RP2: variants seen among roughly 807,000 people sequenced by gnomAD.
RP2 encodes the protein protein XRP2.
Under a neutral mutation model 20.3 loss-of-function variants are expected in RP2, and 3 were observed. The observed-to-expected ratio is 0.15, with a 90% CI of 0.07 to 0.38. RP2 has a LOEUF of 0.38. Ranked by LOEUF, RP2 falls within the 10% of genes least tolerant of loss-of-function variation. RP2 has a pLI of 1.00. For synonymous variants in RP2, 75 were observed against 94.8 expected (o/e 0.79, Z 1.22); for missense variants, 233 against 268.5 (o/e 0.87, Z 0.92).
intron 2 of RP2, 105 bp from the exon 3 acceptor site, chrX:46,859,883 A>C (rs782333992): frequency 4.6e-4 from 256 of 562,152 alleles, no homozygotes; most frequent in Non-Finnish European, 6.8e-4. Context: ...AACAAAAATC[A>C]GTGTGCTGTT....
intron 1 of RP2, among the ~76,000 whole-genome samples, chrX:46,843,183 A>G (rs951289543): frequency 1.8e-5 from 2 of 109,321 alleles, no homozygotes; most frequent in African/African-American, 6.7e-5. Flanking sequence ...AATTTTTTGT[A>G]TTTTTAGTAG....
chrX:46,839,781 A>G (rs1226362436), intron 1 of RP2, among the ~76,000 whole-genome samples: 2 of 111,580 alleles, frequency 1.8e-5, no homozygotes, highest in East Asian at 5.6e-4. Context: ...GAAATGATTT[A>G]TATTAAAAGT....
At position 46,877,524 on chromosome X, in the gene RP2, G is replaced by A. The variant is rs1925390292; in HGVS notation, c.903G>A (p.Glu301=). The change falls in exon 4 of 5, where the codon GAG becomes GAA. Residue 301 remains glutamate, a synonymous_variant. Coordinates refer to ENST00000218340, the MANE Select transcript of RP2 (RefSeq NM_006915.3). ...LLNKGPVIAL[E]FNGDGAVEVC... is the part of the protein sequence containing the mutation. Reference sequence around the variant, plus strand: ...TTATAGGTCCTGTTATTGCCTTGGAGTTTAATGGGGATGGTGCTGTAGAAG... The same window carrying A: ...TTATAGGTCCTGTTATTGCCTTGGAATTTAATGGGGATGGTGCTGTAGAAG... 1.7e-6 allele frequency: 2 copies of A among 1,206,975 alleles called. No homozygotes were observed. Among genetic ancestry groups the A allele is most frequent in the Middle Eastern group, 4.6e-4 (2 of 4,337 alleles).
At chrX:46,850,681 G>A (rs1924843646) in intron 1 of RP2, among the ~76,000 whole-genome samples, 1 of 111,470 alleles carries the variant, frequency 9.0e-6, no homozygotes, top group South Asian at 3.7e-4. Context: ...TACCTAATGA[G>A]CTCTAGCTTA....
rs782708815 is a variant in RP2 at position 46,862,537 on chromosome X, G to A, written c.883+2435G>A. ...TAGCCGGGCGTGGTGGCGGGCGCCT[G>A]TAGTCCCAGCTACTCAGGAGGCTGA... is the stretch of plus-strand genomic sequence containing the variant. On this transcript the variant is annotated intron_variant, in intron 3 of 4. Transcript: ENST00000218340. Among the ~76,000 whole-genome samples, 118 of 110,254 alleles carry A rather than the reference G, an allele frequency of 1.1e-3. 1 individual carries two copies. The highest frequency in any genetic ancestry group is 3.6e-3 in the African/African-American group (109 of 30,240).
At chrX:46,866,417 A>G (rs1404193232) in intron 3 of RP2, among the ~76,000 whole-genome samples, 1 of 112,005 alleles carries the variant, frequency 8.9e-6, no homozygotes, top group African/African-American at 3.2e-5. Flanking sequence ...CCAGCACCAC[A>G]GGGTTCATTC....
intron 3 of RP2, among the ~76,000 whole-genome samples, chrX:46,871,608 CAG>C (rs1316017358): frequency 3.6e-5 from 4 of 112,052 alleles, no homozygotes; most frequent in Admixed American, 2.9e-4. Flanking sequence ...TTTTATGGCA[CAG>C]AATATGGCTT....
intron 1 of RP2, among the ~76,000 whole-genome samples, chrX:46,846,994 G>T: frequency 8.9e-6 from 1 of 112,094 alleles, no homozygotes; most frequent in Non-Finnish European, 1.9e-5. Context: ...CTCCCAAAGT[G>T]CTGGCATTAC....
At chrX:46,855,009 A>G (rs1429558364) in intron 2 of RP2, among the ~76,000 whole-genome samples, 2 of 111,217 alleles carry the variant, frequency 1.8e-5, no homozygotes, top group African/African-American at 6.5e-5. Flanking sequence ...CTCATGATCC[A>G]CCTGCCTAAG....
At chrX:46,865,981 AT>A (rs1261889765) in intron 3 of RP2, among the ~76,000 whole-genome samples, 2 of 110,512 alleles carry the variant, frequency 1.8e-5, no homozygotes, top group Non-Finnish European at 3.8e-5. Context: ...TTTATTTCTC[AT>A]GGGTGTGTAT....
At chrX:46,866,096 T>C (rs1014573752) in intron 3 of RP2, among the ~76,000 whole-genome samples, 1 of 111,620 alleles carries the variant, frequency 9.0e-6, no homozygotes, top group Non-Finnish European at 1.9e-5. Context: ...TGCCCCATCC[T>C]TTTGAATTTT....
intron 3 of RP2, among the ~76,000 whole-genome samples, chrX:46,868,480 G>A (rs989996988): frequency 8.1e-5 from 9 of 110,743 alleles, no homozygotes; most frequent in African/African-American, 2.6e-4. Context: ...CAAGTGTTCA[G>A]TCTCACCCTT....
rs1925458232 is a variant in RP2, at chrX:46,880,930, TTGAACTTGTGAGAAGGCAC to T, written c.*1166_*1184del. Reference sequence around the variant, plus strand: ...AATTGGTTCAGGAGGTGTCAATAGGTTGAACTTGTGAGAAGGCACTGAATCTGCCATCCACATCACATAT... The same window carrying T: ...AATTGGTTCAGGAGGTGTCAATAGGTTGAATCTGCCATCCACATCACATAT... On this transcript the variant is annotated 3_prime_UTR_variant, in exon 5 of 5. Coordinates refer to ENST00000218340, the MANE Select transcript of RP2 (RefSeq NM_006915.3). 1 of 111,472 alleles carries T rather than the reference TTGAACTTGTGAGAAGGCAC, an allele frequency of 9.0e-6. No homozygotes were observed. Among genetic ancestry groups the T allele is most frequent in the Non-Finnish European group, 1.9e-5 (1 of 53,111 alleles). The allele number at this position is 111,472 out of a possible 1,213,427, so 9.2% of individuals were successfully genotyped here.
intron 3 of RP2, among the ~76,000 whole-genome samples, chrX:46,871,145 C>A (rs782603837): frequency 2.2e-4 from 23 of 106,860 alleles, no homozygotes; most frequent in South Asian, 8.6e-4. Context: ...CCTCAGCCTC[C>A]CGAGTAGCTG....
chrX:46,877,596 A>G lies in RP2; in HGVS notation c.969+6A>G. 1 of 1,097,990 alleles carries G rather than the reference A, an allele frequency of 9.1e-7. No homozygotes were observed. The highest frequency in any genetic ancestry group is 1.3e-6 in the Non-Finnish European group (1 of 791,718). The allele number at this position is 1,097,990 out of a possible 1,213,427, so 90.5% of individuals were successfully genotyped here. ...AGATATTCAATGGGACCAAGGTACA[A>G]GATTTTATTGACTGTATTTCAATCT... On this transcript the variant is annotated splice_donor_region_variant and intron_variant, in intron 4 of 4. Transcript: ENST00000218340.
intron 1 of RP2, among the ~76,000 whole-genome samples, chrX:46,843,950 A>G (rs1158339534): frequency 9.0e-6 from 1 of 111,141 alleles, no homozygotes; most frequent in Admixed American, 9.6e-5. Flanking sequence ...CTGGGATTAA[A>G]AGCAAGAGCC....
chrX:46,855,392 G>A (rs1286534295), intron 2 of RP2, among the ~76,000 whole-genome samples: 1 of 110,992 alleles, frequency 9.0e-6, no homozygotes, highest in African/African-American at 3.3e-5. Context: ...CATTAATCAG[G>A]TTCCTTCAGG....
At chrX:46,871,017 A>G (rs1442106017) in intron 3 of RP2, among the ~76,000 whole-genome samples, 1 of 91,503 alleles carries the variant, frequency 1.1e-5, no homozygotes, top group Non-Finnish European at 2.1e-5. Flanking sequence ...AGCCACGCTC[A>G]TTCCTTTTTT....
At chrX:46,847,802 A>ATACACACATATGTGTGTGTGTG (rs1569531413) in intron 1 of RP2, among the ~76,000 whole-genome samples, 32 of 80,119 alleles carry the variant, frequency 4.0e-4, no homozygotes, top group Non-Finnish European at 1.4e-4. Context: ...GTGTGTGTAT[A>ATACACACATATGTGTGTGTGTG]TATATACACA....
Sources: gnomAD v4.1 joint callset for allele counts (sites outside exome capture counted in the v4.1 genomes callset) on GRCh38, gnomAD v4.1.1 for gene constraint, MANE v1.5 for transcripts, NCBI Gene and HGNC (gene_info 2026-07-23, HGNC 2026-07-21) for gene names.